METTL8: variants seen among roughly 807,000 people sequenced by gnomAD.
METTL8 encodes methyltransferase 8, tRNA N3-cytidine, also known as tRNA N(3)-cytidine methyltransferase METTL8, mitochondrial.
METTL8 carries 32 observed loss-of-function variants against 48.7 expected under a neutral mutation model. That is an observed-to-expected ratio of 0.66 (90% confidence interval 0.50 to 0.88). The LOEUF (loss-of-function observed/expected upper bound fraction) is 0.88. METTL8 is among the 40% of genes least tolerant of loss of function. The pLI, the probability that METTL8 is intolerant of heterozygous loss-of-function variation, is 0.00. For synonymous variants in METTL8, 136 were observed against 157.1 expected (o/e 0.87, Z 1.01); for missense variants, 464 against 474.4 (o/e 0.98, Z 0.20).
chr2:171,373,266 G>A (rs1045253975), intron 2 of METTL8, among the ~76,000 whole-genome samples: 4 of 152,144 alleles, frequency 2.6e-5, no homozygotes, highest in African/African-American at 9.7e-5. Flanking sequence ...GTGTCTGTCG[G>A]CTGCATAAAT....
intron 1 of METTL8, among the ~76,000 whole-genome samples, chr2:171,392,628 A>G (rs1574107569): frequency 1.3e-5 from 2 of 152,190 alleles, no homozygotes; most frequent in Non-Finnish European, 2.9e-5. Flanking sequence ...TGGCAGAAGA[A>G]TAAGAAAACA....
At chr2:171,360,319 A>G in intron 3 of METTL8, 103 bp downstream of exon 3, 2 of 835,482 alleles carry the variant, frequency 2.4e-6, no homozygotes, top group Middle Eastern at 2.9e-4. Context: ...GAACAAGTGG[A>G]CTGGCATCAG....
At chr2:171,434,372 C>T (rs886055103), upstream of METTL8, 3 of 865,012 alleles carry the variant, frequency 3.5e-6, no homozygotes, top group East Asian at 8.2e-5. Context: ...CTTCCCTTCT[C>T]TCCGCGCTCT....
intron 1 of METTL8, among the ~76,000 whole-genome samples, chr2:171,418,293 T>A (rs1329475762): frequency 6.6e-6 from 1 of 152,132 alleles, no homozygotes; most frequent in East Asian, 1.9e-4. Flanking sequence ...TATCTCAGAT[T>A]TTCCTTGTTT....
At chr2:171,365,401 C>T (rs1211900759) in intron 2 of METTL8, among the ~76,000 whole-genome samples, 1 of 152,168 alleles carries the variant, frequency 6.6e-6, no homozygotes, top group South Asian at 2.1e-4. Context: ...TAATCCTCTT[C>T]CTCATCCGTT....
At chr2:171,376,985 T>A (rs1687037148) in intron 2 of METTL8, among the ~76,000 whole-genome samples, 1 of 152,216 alleles carries the variant, frequency 6.6e-6, no homozygotes. Flanking sequence ...ATGGTACTGG[T>A]ATAAAAATAG....
At chr2:171,402,168 G>A (rs1689712504) in intron 1 of METTL8, among the ~76,000 whole-genome samples, 1 of 152,086 alleles carries the variant, frequency 6.6e-6, no homozygotes, top group African/African-American at 2.4e-5. Flanking sequence ...ACGGAGAGAA[G>A]GGTAAAAGCC....
intron 3 of METTL8, among the ~76,000 whole-genome samples, chr2:171,340,493 T>G (rs1298252132): frequency 7.9e-6 from 1 of 126,076 alleles, no homozygotes; most frequent in Non-Finnish European, 1.6e-5. Context: ...CAGAGTGAGT[T>G]GTCTCAAAAA....
In METTL8 at chr2:171,317,173, G is replaced by A. The variant is rs1367816971; in HGVS notation, c.*6999C>T. Among the ~76,000 whole-genome samples the A allele has an allele frequency of 1.3e-5, 2 of 152,152 alleles. No individual in the cohort carries two copies. The highest frequency in any genetic ancestry group is 6.5e-5 in the Admixed American group (1 of 15,284). On this transcript the variant is annotated 3_prime_UTR_variant, in exon 10 of 10. Coordinates refer to ENST00000375258, the MANE Select transcript of METTL8 (RefSeq NM_001321154.2). The stretch of plus-strand genomic sequence containing the variant: ...CACAGGTTTAGTGCTTGCTTCCAGC[G>A]GAAAAGCCTTAAAAGCCCAAAGGGT...
intron 3 of METTL8, among the ~76,000 whole-genome samples, chr2:171,358,130 C>T (rs1439712066): frequency 6.6e-6 from 1 of 151,994 alleles, no homozygotes; most frequent in Non-Finnish European, 1.5e-5. Context: ...GTGGGCGGAT[C>T]ATCTGAGGTC....
rs1684980619 is a variant in METTL8, at chr2:171,359,845, C to A, written c.235+577G>T. ...TGACCTTGTGATCTGCCCACCTCGGCCACCCAAAGTGCTGGGATTATAGGT... is the reference window on the plus strand; with the variant it reads ...TGACCTTGTGATCTGCCCACCTCGGACACCCAAAGTGCTGGGATTATAGGT... On this transcript the variant is annotated intron_variant, in intron 3 of 9. Transcript: ENST00000375258. Among the ~76,000 whole-genome samples, 3 of 152,112 alleles carry A rather than the reference C, an allele frequency of 2.0e-5. No homozygotes were observed. In the South Asian group the frequency reaches 6.2e-4, roughly 32 times the overall value.
rs373996800 is a variant in METTL8 at position 171,404,173 on chromosome 2, CA to C, written c.-12-11977del. Among the ~76,000 whole-genome samples, 193 of 143,092 alleles carry C rather than the reference CA, an allele frequency of 1.3e-3. 1 individual carries two copies. Among genetic ancestry groups the C allele is most frequent in the African/African-American group, 4.7e-3 (182 of 38,354 alleles). The allele number at this position is 143,092 out of a possible 152,430, so 93.9% of individuals were successfully genotyped here. A position where few individuals can be genotyped will look rare whatever the true frequency, so the allele number is the denominator to read the frequency against. ...AAAACAGAACACTTGTAACAATATA[CA>C]ATAAGTTATGTGAATATAGTCTCTC... On this transcript the variant is annotated intron_variant, in intron 1 of 9. Transcript: ENST00000375258.
intron 2 of METTL8, among the ~76,000 whole-genome samples, chr2:171,362,812 T>A (rs1159061522): frequency 2.0e-5 from 3 of 152,114 alleles, no homozygotes; most frequent in African/African-American, 4.8e-5. Flanking sequence ...ATGTGAGCAA[T>A]CACATATAAA....
chr2:171,377,296 TC>T (rs1687071223), intron 2 of METTL8, among the ~76,000 whole-genome samples: 2 of 151,968 alleles, frequency 1.3e-5, no homozygotes, highest in South Asian at 4.2e-4. Context: ...GGCAAAGAAT[TC>T]ATGACTAAGA....
intron 3 of METTL8, among the ~76,000 whole-genome samples, chr2:171,349,623 C>T (rs1234381768): frequency 6.6e-6 from 1 of 152,152 alleles, no homozygotes; most frequent in African/African-American, 2.4e-5. Flanking sequence ...CTGCTATGAA[C>T]ATAGGTGTGC....
At chr2:171,373,394 G>C (rs544386364) in intron 2 of METTL8, among the ~76,000 whole-genome samples, 2 of 152,240 alleles carry the variant, frequency 1.3e-5, no homozygotes, top group South Asian at 4.1e-4. Context: ...TCTGTCAGAT[G>C]GGTAGATTGT....
chr2:171,351,223 C>A (rs1450324200), intron 3 of METTL8, among the ~76,000 whole-genome samples: 2 of 152,130 alleles, frequency 1.3e-5, no homozygotes, highest in Non-Finnish European at 2.9e-5. Context: ...ATAGGGAATC[C>A]TTTCCCCATT....
chr2:171,365,491 A>G (rs1685622070), intron 2 of METTL8, among the ~76,000 whole-genome samples: 1 of 152,140 alleles, frequency 6.6e-6, no homozygotes, highest in Admixed American at 6.5e-5. Context: ...CAGGGCCGTG[A>G]GCAAGCCTCT....
chr2:171,386,881 G>T (rs939611624), intron 2 of METTL8, among the ~76,000 whole-genome samples: 1 of 152,032 alleles, frequency 6.6e-6, no homozygotes, highest in African/African-American at 2.4e-5. Context: ...TGGACATGGC[G>T]AGAAGCACAT....
Sources: allele counts gnomAD v4.1 joint callset (sites outside exome capture counted in the v4.1 genomes callset), GRCh38; gene constraint gnomAD v4.1.1; transcripts MANE v1.5; gene names NCBI Gene and HGNC (gene_info 2026-07-23, HGNC 2026-07-21).